The following ACOT11 variants were observed in gnomAD, a reference collection of about 807,000 sequenced individuals.
ACOT11 encodes acyl-CoA thioesterase 11.
A neutral mutation model predicts 77.5 loss-of-function variants in ACOT11; 69 were observed. The ratio of observed to expected loss-of-function variants is 0.89; its 90% CI spans 0.73 to 1.09. The LOEUF (loss-of-function observed/expected upper bound fraction) is 1.09. Ranked by LOEUF, ACOT11 falls within the 50% of genes least tolerant of loss-of-function variation. The probability of loss-of-function intolerance (pLI) is 0.00; values close to 1 mark genes in which losing one functional copy is unlikely to be tolerated. For synonymous variants in ACOT11, 279 were observed against 313.0 expected (o/e 0.89, Z 1.15); for missense variants, 766 against 813.7 (o/e 0.94, Z 0.71).
chr1:54,611,584 C>A, downstream of ACOT11: 1 of 1,612,916 alleles, frequency 6.2e-7, no homozygotes, highest in Non-Finnish European at 8.5e-7. Flanking sequence ...CCCACACCAC[C>A]CTTCCCAATT....
chr1:54,609,491 A>G lies in ACOT11; in HGVS notation c.*379A>G, dbSNP rs767170524. On this transcript the variant is annotated 3_prime_UTR_variant, in exon 16 of 16. Transcript: ENST00000343744. ...GCTGTGGCCCAGCAGCATGGCCTGC[A>G]TCTGGAAGGACACAGGTTGCCAGAG... is the stretch of plus-strand genomic sequence containing the variant. 7 of 1,613,384 alleles carry G rather than the reference A, an allele frequency of 4.3e-6. No homozygotes were observed. The South Asian group carries it at 6.6e-5, about 15-fold the overall frequency.
At position 54,584,939 on chromosome 1, in the gene ACOT11, CGTCCACCCTAA is replaced by C; in HGVS notation, c.241+80_241+90del. 7.0e-7 allele frequency: 1 copy of C among 1,437,502 alleles called. No individual in the cohort carries two copies. 89.0% of individuals were successfully genotyped at this position (1,437,502 alleles called of 1,614,324 possible). Reference sequence around the variant, plus strand: ...GGGCCGTGCTTTCAGAGATGGTCACCGTCCACCCTAAGTGCCACACTTGTTTCTCATCTTGG... The same window carrying C: ...GGGCCGTGCTTTCAGAGATGGTCACCGTGCCACACTTGTTTCTCATCTTGG... On this transcript the variant is annotated intron_variant, in intron 2 of 15. Transcript: ENST00000343744. This position sits in a 1 kb window ranked among gnomAD's most constrained non-coding sequence, Gnocchi z 6.3.
chr1:54,589,337 T>G (rs906390544), intron 3 of ACOT11, among the ~76,000 whole-genome samples: 1 of 150,168 alleles, frequency 6.7e-6, no homozygotes, highest in Non-Finnish European at 1.5e-5. Flanking sequence ...TTTTTTTTTT[T>G]TAGAGAAGGA....
At chr1:54,613,530 C>T (rs887913052), downstream of ACOT11, among the ~76,000 whole-genome samples, 10 of 152,068 alleles carry the variant, frequency 6.6e-5, no homozygotes, top group Admixed American at 2.0e-4. Context: ...TCAAGGGATC[C>T]GCTCACCTTG....
chr1:54,614,938 G>C, downstream of ACOT11: 1 of 1,280,756 alleles, frequency 7.8e-7, no homozygotes, highest in African/African-American at 1.7e-5. Context: ...AAAGCAGAGC[G>C]GGTGTGTGTG....
At chr1:54,608,922 C>T in intron 15 of ACOT11, 35 bp from the exon 16 acceptor site, 5 of 1,606,234 alleles carry the variant, frequency 3.1e-6, no homozygotes, top group Non-Finnish European at 4.3e-6. Context: ...CCTCCCCTAG[C>T]TTGGTCCCCC....
chr1:54,551,327 C>G (rs1337999557), intron 1 of ACOT11, among the ~76,000 whole-genome samples: 1 of 151,942 alleles, frequency 6.6e-6, no homozygotes, highest in African/African-American at 2.4e-5. Context: ...TTCAAGGGCT[C>G]TGGTCCCTAC....
chr1:54,595,385 T>TA (rs1654863227), intron 6 of ACOT11, among the ~76,000 whole-genome samples: 1 of 152,096 alleles, frequency 6.6e-6, no homozygotes. Flanking sequence ...ATAAAACATG[T>TA]AAAAAGCATA....
At chr1:54,620,479 G>T (rs553934681) in intron 15 of ACOT11, among the ~76,000 whole-genome samples, 1 of 152,296 alleles carries the variant, frequency 6.6e-6, no homozygotes, top group African/African-American at 2.4e-5. Flanking sequence ...GCCGAGGTGG[G>T]TGGATCACCT....
Position 54,569,149 on chromosome 1 carries a change from A to G in ACOT11, c.34-15506A>G, listed in dbSNP as rs188153823. Among the ~76,000 whole-genome samples, 89 of 146,960 alleles carry G rather than the reference A, an allele frequency of 6.1e-4. 2 individuals carry two copies. In the East Asian group the frequency reaches 0.016, roughly 27 times the overall value. On this transcript the variant is annotated intron_variant, in intron 1 of 15. Coordinates refer to ENST00000343744, the MANE Select transcript of ACOT11 (RefSeq NM_147161.4). ...AATAATTTTTTTTTTTTTTGTAGAG[A>G]TGGGATCTTGCTCTCTTGCCCAAGT...
intron 7 of ACOT11, 47 bp downstream of exon 7, chr1:54,597,462 C>T (rs1643901492): frequency 1.9e-6 from 3 of 1,545,054 alleles, no homozygotes; most frequent in African/African-American, 1.4e-5. Flanking sequence ...TTCTCCTCCT[C>T]CTCCCCTTGG....
chr1:54,581,321 CCCCAGTAGCCTGTGGG>C (rs1215943264), intron 1 of ACOT11, among the ~76,000 whole-genome samples: 147 of 152,276 alleles, frequency 9.7e-4, no homozygotes, highest in African/African-American at 3.4e-3. Context: ...CTGTTTCCAG[CCCCAGTAGCCTGTGGG>C]CCCAGTAGCC....
At chr1:54,560,550 A>G (rs146625234) in intron 1 of ACOT11, among the ~76,000 whole-genome samples, 79 of 152,298 alleles carry the variant, frequency 5.2e-4, no homozygotes, top group Non-Finnish European at 9.1e-4. Flanking sequence ...TTTTCTCGAG[A>G]CAAGGTCTCA....
At chr1:54,630,392 C>T (rs1644292914) in intron 15 of ACOT11, among the ~76,000 whole-genome samples, 1 of 152,182 alleles carries the variant, frequency 6.6e-6, no homozygotes, top group Non-Finnish European at 1.5e-5. Flanking sequence ...CTAATGCCCA[C>T]GCTGGAAGGT....
rs1313273664 is a variant in ACOT11 at position 54,605,076 on chromosome 1, G to T, written c.1237G>T (p.Val413Phe). The change falls in exon 13 of 16, where the codon GTC becomes TTC. Residue 413 changes from valine (V) to phenylalanine (F), a missense_variant and splice_region_variant. Transcript: ENST00000343744. ...TGAGGCTGCCCTCTATCCCATGCAG[G>T]TCCGCCTGTACACTCTGGAGGATGA... ...NWVLSSEISQ[V>F]RLYTLEDDKF... 5.6e-6 allele frequency: 9 copies of T among 1,612,564 alleles called. No individual in the cohort carries two copies. In the East Asian group the frequency reaches 2.0e-4, roughly 36 times the overall value.
downstream of ACOT11, among the ~76,000 whole-genome samples, chr1:54,613,824 A>G (rs771800756): frequency 6.6e-6 from 1 of 152,214 alleles, no homozygotes. Context: ...GAGAAGCACA[A>G]TAATAAATTG....
chr1:54,590,509 TG>T (rs1335164792), intron 3 of ACOT11, among the ~76,000 whole-genome samples: 1 of 151,828 alleles, frequency 6.6e-6, no homozygotes, highest in Non-Finnish European at 1.5e-5. Context: ...TGCTTGGCTT[TG>T]GGGGAAGGTA....
intron 1 of ACOT11, among the ~76,000 whole-genome samples, chr1:54,551,721 GT>G (rs1653073703): frequency 6.8e-6 from 1 of 146,680 alleles, no homozygotes; most frequent in South Asian, 2.1e-4. Flanking sequence ...TTTTGTTTTT[GT>G]TTTTGTTTTG....
intron 1 of ACOT11, among the ~76,000 whole-genome samples, chr1:54,552,019 CT>C (rs1653087707): frequency 6.6e-6 from 1 of 152,200 alleles, no homozygotes; most frequent in African/African-American, 2.4e-5. Flanking sequence ...CATAAGGGGT[CT>C]AACCCAGAGT....
Sources: allele counts gnomAD v4.1 joint callset (sites outside exome capture counted in the v4.1 genomes callset), GRCh38; gene constraint gnomAD v4.1.1; non-coding constraint Gnocchi (gnomAD v3.1); transcripts MANE v1.5; gene names NCBI Gene and HGNC (gene_info 2026-07-23, HGNC 2026-07-21).